Variants in CLPS observed in about 807,000 individuals in gnomAD.
CLPS encodes the protein colipase, pancreatic.
In CLPS, 8 loss-of-function variants were observed where a neutral mutation model predicts 9.3. The observed-to-expected ratio is 0.86, with a 90% CI of 0.51 to 1.56. The LOEUF (loss-of-function observed/expected upper bound fraction) is 1.56. Among genes scored for constraint, CLPS ranks in the 40% most tolerant of loss-of-function variants. CLPS has a pLI of 0.00. For missense variants in CLPS, 144 were observed against 145.7 expected, an observed-to-expected ratio of 0.99 and a Z score of 0.06; for synonymous variants, 61 against 56.2, an observed-to-expected ratio of 1.09 and a Z score of -0.39.
intron 2 of CLPS, among the ~76,000 whole-genome samples, chr6:35,795,488 G>A (rs956621419): frequency 2.0e-5 from 3 of 152,218 alleles, no homozygotes; most frequent in African/African-American, 7.2e-5. Context: ...TCTCTCTGGG[G>A]AGCCTCTATT....
chr6:35,795,425 T>C, intron 2 of CLPS, 148 bp from the exon 3 acceptor site: 1 of 1,246,844 alleles, frequency 8.0e-7, no homozygotes, highest in African/African-American at 1.5e-5. Context: ...CCGTGGGCCC[T>C]GGAGACCCCA....
chr6:35,797,251 G>T lies in CLPS; in HGVS notation c.38C>A (p.Ser13Tyr). 6.2e-7 allele frequency: 1 copy of T among 1,614,132 alleles called. No homozygotes were observed. The change falls in exon 1 of 3, where the codon TCT (serine) becomes TAT (tyrosine). Residue 13 changes from serine (S) to tyrosine (Y), a missense_variant. Ser to Tyr is a moderately radical substitution (Grantham distance 144). Coordinates refer to ENST00000259938, the MANE Select transcript of CLPS (RefSeq NM_001832.4). ...GGGGCCAGGAGCTGCATAGGCCACA[G>T]AGAGGGCGACAAGCAGGAGGATCAG... The part of the protein sequence containing the change: ...KILILLLVAL[S>Y]VAYAAPGPRG...
In CLPS at chr6:35,797,197, C is replaced by T; in HGVS notation, c.84+8G>A. The stretch of plus-strand genomic sequence containing the variant: ...CTCAGGAGGCGCCTCCCCTGAAGAC[C>T]CTCTTACCAGGTTGATAATGATCCC... On this transcript the variant is annotated splice_region_variant and intron_variant, in intron 1 of 2. Coordinates refer to ENST00000259938, the MANE Select transcript of CLPS (RefSeq NM_001832.4). The T allele has an allele frequency of 6.2e-7, 1 of 1,613,220 alleles. No homozygotes were observed. The highest frequency in any genetic ancestry group is 8.5e-7 in the Non-Finnish European group (1 of 1,179,286).
At chr6:35,796,855 A>C (rs1581962187) in intron 1 of CLPS, 2 of 461,882 alleles carry the variant, frequency 4.3e-6, no homozygotes, top group Non-Finnish European at 4.2e-6. Flanking sequence ...AATCATTTGA[A>C]CCCGGGAAGC....
Position 35,795,739 on chromosome 6 carries a change from A to C in CLPS, c.199T>G (p.Ser67Ala), listed in dbSNP as rs1399740520. The change falls in exon 2 of 3, where the codon TCT (serine) becomes GCT (alanine). Residue 67 changes from serine to alanine, a missense_variant. Transcript: ENST00000259938. The stretch of plus-strand genomic sequence containing the variant: ...AGTCCTCAGGCACCCACCTTGACAG[A>C]GCACTCGCTGTTCTCGCTGGCCATG... ...TSMASENSECSVKTLYGIYYK... is the reference protein window; with the variant it reads ...TSMASENSECAVKTLYGIYYK... 3 of 1,611,986 alleles carry C rather than the reference A, an allele frequency of 1.9e-6. No individual in the cohort carries two copies. The Admixed American group carries it at 5.0e-5, about 27-fold the overall frequency.
chr6:35,796,977 G>A, intron 1 of CLPS: 1 of 584,332 alleles, frequency 1.7e-6, no homozygotes, highest in African/African-American at 1.9e-5. Flanking sequence ...GCCAGGTTGA[G>A]CTGCTGCTCT....
intron 1 of CLPS, 103 bp downstream of exon 1, chr6:35,797,102 C>G: frequency 9.1e-7 from 1 of 1,104,924 alleles, no homozygotes; most frequent in Non-Finnish European, 1.3e-6. Flanking sequence ...GCCACTCCTC[C>G]CAGCCCCTGC....
At chr6:35,795,369 C>G in intron 2 of CLPS, 92 bp from the exon 3 acceptor site, 1 of 1,532,774 alleles carries the variant, frequency 6.5e-7, no homozygotes, top group East Asian at 2.3e-5. Flanking sequence ...AGTAGGCCAG[C>G]CTGTGTTTTC....
At position 35,795,072 on chromosome 6, in the gene CLPS, G is replaced by T; in HGVS notation, c.*74C>A. The T allele has an allele frequency of 1.3e-6, 2 of 1,566,098 alleles. No individual in the cohort carries two copies. The highest frequency in any genetic ancestry group is 1.7e-6 in the Non-Finnish European group (2 of 1,154,794). ...GGTGGCCAGCCCGGGAGATGCGCTG[G>T]AGCAGGGGAGAGATGCCCCTGCGCC... On this transcript the variant is annotated 3_prime_UTR_variant, in exon 3 of 3. Coordinates refer to ENST00000259938, the MANE Select transcript of CLPS (RefSeq NM_001832.4).
rs144552522 is a variant in CLPS at position 35,795,755 on chromosome 6, G to T, written c.183C>A (p.Ser61Arg). 21 of 1,612,616 alleles carry T rather than the reference G, an allele frequency of 1.3e-5. No individual in the cohort carries two copies. Among genetic ancestry groups the T allele is most frequent in the Admixed American group, 1.7e-5 (1 of 60,016 alleles). ...LGLARCTSMA[S>R]ENSECSVKTL... Reference sequence around the variant, plus strand: ...CCTTGACAGAGCACTCGCTGTTCTCGCTGGCCATGGATGTGCAGCGGGCCA... The same window carrying T: ...CCTTGACAGAGCACTCGCTGTTCTCTCTGGCCATGGATGTGCAGCGGGCCA... The change falls in exon 2 of 3, where the codon AGC becomes AGA. Residue 61 changes from serine (S) to arginine (R), a missense_variant. Physicochemically the swap from Ser to Arg is moderately radical, Grantham distance 110 (BLOSUM62 -1). Coordinates refer to ENST00000259938, the MANE Select transcript of CLPS (RefSeq NM_001832.4).
rs6457854 is a variant in CLPS, at chr6:35,796,051, T to C, written c.85-198A>G. 0.2 allele frequency among the ~76,000 whole-genome samples: 30,138 copies of C among 149,748 alleles called. 1,382 individuals are homozygous for C. The highest frequency in any genetic ancestry group is 0.25 in the Non-Finnish European group (16,856 of 67,072). On this transcript the variant is annotated intron_variant, in intron 1 of 2. Coordinates refer to ENST00000259938, the MANE Select transcript of CLPS (RefSeq NM_001832.4). ...GGCATGCGGTGACAGAGAAGCAGAC[T>C]TGCACAGAGGGTCAGGACCCCTGGG...
intron 1 of CLPS, 101 bp downstream of exon 1, chr6:35,797,104 A>G (rs1172226447): frequency 3.6e-6 from 4 of 1,111,612 alleles, no homozygotes; most frequent in Non-Finnish European, 5.4e-6. Context: ...CACTCCTCCC[A>G]GCCCCTGCCA....
chr6:35,796,079 C>G (rs1379151644), intron 1 of CLPS, among the ~76,000 whole-genome samples: 1 of 152,268 alleles, frequency 6.6e-6, no homozygotes, highest in African/African-American at 2.4e-5. Flanking sequence ...CCCCTGGGTT[C>G]TAGTACCGGC....
chr6:35,796,087 G>A (rs994710353), intron 1 of CLPS, among the ~76,000 whole-genome samples: 2 of 152,262 alleles, frequency 1.3e-5, no homozygotes, highest in African/African-American at 2.4e-5. Flanking sequence ...TTCTAGTACC[G>A]GCTGTGCTAC....
Position 35,795,825 on chromosome 6 carries a change from G to T in CLPS, c.113C>A (p.Ala38Asp). ...CTGGCAGCAATTGCTCTTACACTGG[G>T]CACTATTCATGCAGAGCTCACCGTT... The part of the protein sequence containing the change: ...LENGELCMNS[A>D]QCKSNCCQHS... The change falls in exon 2 of 3, where the codon GCC becomes GAC. Residue 38 changes from alanine (A) to aspartate (D), a missense_variant. Coordinates refer to ENST00000259938, the MANE Select transcript of CLPS (RefSeq NM_001832.4). The T allele has an allele frequency of 6.2e-7, 1 of 1,613,144 alleles. No homozygotes were observed. The highest frequency in any genetic ancestry group is 8.5e-7 in the Non-Finnish European group (1 of 1,180,028).
At chr6:35,795,419 G>A in intron 2 of CLPS, 142 bp from the exon 3 acceptor site, 1 of 1,273,632 alleles carries the variant, frequency 7.9e-7, no homozygotes, top group Non-Finnish European at 1.1e-6. Context: ...GGGGTGCCGT[G>A]GGCCCTGGAG....
chr6:35,795,641 A>G, intron 2 of CLPS, 90 bp downstream of exon 2: 2 of 1,565,980 alleles, frequency 1.3e-6, no homozygotes, highest in Non-Finnish European at 1.7e-6. Flanking sequence ...TTCAGTGTCC[A>G]GGCTGACCCC....
At chr6:35,795,894 G>T in intron 1 of CLPS, 41 bp from the exon 2 acceptor site, 1 of 1,608,680 alleles carries the variant, frequency 6.2e-7, no homozygotes. Flanking sequence ...CACTCCCTCA[G>T]GTCCCTTCTC....
At chr6:35,795,682 G>A (rs1405283027) in intron 2 of CLPS, 49 bp downstream of exon 2, 2 of 1,603,000 alleles carry the variant, frequency 1.2e-6, no homozygotes, top group Admixed American at 1.7e-5. Context: ...AGTGTTCAGG[G>A]CCCTACTCCC....
Sources: allele counts gnomAD v4.1 joint callset (sites outside exome capture counted in the v4.1 genomes callset), GRCh38; gene constraint gnomAD v4.1.1; transcripts MANE v1.5; gene names NCBI Gene and HGNC (gene_info 2026-07-23, HGNC 2026-07-21).